Variants in STX17 observed in about 807,000 individuals in gnomAD.
STX17 encodes the protein syntaxin-17.
In STX17, 29 loss-of-function variants were observed where a neutral mutation model predicts 35.9. The ratio of observed to expected loss-of-function variants is 0.81; its 90% CI spans 0.60 to 1.10. The LOEUF is 1.10. STX17 is among the 50% of genes least tolerant of loss of function. The pLI, the probability that STX17 is intolerant of heterozygous loss-of-function variation, is 0.00. For missense variants in STX17, 312 were observed against 352.3 expected, an observed-to-expected ratio of 0.89 and a Z score of 0.92; for synonymous variants, 92 against 118.3, an observed-to-expected ratio of 0.78 and a Z score of 1.44.
intron 3 of STX17, among the ~76,000 whole-genome samples, chr9:99,935,372 A>G (rs977194569): frequency 1.3e-5 from 2 of 151,542 alleles, no homozygotes; most frequent in African/African-American, 2.4e-5. Context: ...TATAGTTTAC[A>G]GTTTACTATC....
At chr9:99,946,434 C>A (rs1315337538) in intron 3 of STX17, among the ~76,000 whole-genome samples, 1 of 152,130 alleles carries the variant, frequency 6.6e-6, no homozygotes, top group Non-Finnish European at 1.5e-5. Flanking sequence ...GTTCCTTAGA[C>A]TATTTTAGTT....
At chr9:99,907,812 T>C (rs1258619578) in intron 1 of STX17, among the ~76,000 whole-genome samples, 2 of 152,212 alleles carry the variant, frequency 1.3e-5, no homozygotes, top group African/African-American at 4.8e-5. Flanking sequence ...ACTGAATTAC[T>C]AACTTGTGAT....
chr9:99,950,411 G>A (rs1242189377), intron 3 of STX17, among the ~76,000 whole-genome samples: 1 of 151,796 alleles, frequency 6.6e-6, no homozygotes, highest in Non-Finnish European at 1.5e-5. Flanking sequence ...ATTAATATTA[G>A]TGTATACTAT....
chr9:99,950,891 CT>C (rs1829577898), intron 3 of STX17, among the ~76,000 whole-genome samples, 168 bp from the exon 4 acceptor site: 1 of 151,918 alleles, frequency 6.6e-6, no homozygotes, highest in South Asian at 2.1e-4. Context: ...TCCAAAGATG[CT>C]GCATTTGGCC....
Position 99,951,068 on chromosome 9 carries a change from A to C in STX17, c.198A>C (p.Arg66=). 6.2e-7 allele frequency: 1 copy of C among 1,607,846 alleles called. No homozygotes were observed. Among genetic ancestry groups the C allele is most frequent in the Non-Finnish European group, 8.5e-7 (1 of 1,177,136 alleles). The change falls in exon 4 of 8, where the codon CGA becomes CGC. Residue 66 remains arginine, a synonymous_variant. Transcript: ENST00000259400. Reference sequence around the variant, plus strand: ...ATTTTTTTCTTTTATAGCAACTCCGATCCAATATCCGAGAAATTGAGAAAC... The same window carrying C: ...ATTTTTTTCTTTTATAGCAACTCCGCTCCAATATCCGAGAAATTGAGAAAC... ...INAGRTVQQL[R]SNIREIEKLC...
chr9:99,960,449 G>GTTT (rs201738436), intron 6 of STX17, among the ~76,000 whole-genome samples: 1 of 144,474 alleles, frequency 6.9e-6, no homozygotes, highest in African/African-American at 2.5e-5. Flanking sequence ...TGTTTTTTGT[G>GTTT]TTTTTTTTTT....
chr9:99,962,388 T>G (rs1423238144), intron 6 of STX17, among the ~76,000 whole-genome samples: 3 of 152,194 alleles, frequency 2.0e-5, no homozygotes, highest in Admixed American at 1.3e-4. Flanking sequence ...TATTGTAAAC[T>G]AATAATCTCT....
At chr9:99,926,129 TA>T (rs1247748878) in intron 2 of STX17, among the ~76,000 whole-genome samples, 1 of 152,042 alleles carries the variant, frequency 6.6e-6, no homozygotes, top group Non-Finnish European at 1.5e-5. Flanking sequence ...GTGCATTTTT[TA>T]ATTTCAGGTA....
chr9:99,957,354 C>A (rs146765553), intron 4 of STX17, among the ~76,000 whole-genome samples: 30 of 152,228 alleles, frequency 2.0e-4, no homozygotes, highest in African/African-American at 7.0e-4. Context: ...ATGCAGTCTC[C>A]TATTGTTTTA....
chr9:99,917,317 T>C (rs1466108284), intron 2 of STX17, among the ~76,000 whole-genome samples: 2 of 152,228 alleles, frequency 1.3e-5, no homozygotes, highest in African/African-American at 2.4e-5. Context: ...AGATATGTTA[T>C]GGAAATGTAA....
chr9:99,940,930 T>C (rs1564067321), intron 3 of STX17, among the ~76,000 whole-genome samples: 1 of 152,362 alleles, frequency 6.6e-6, no homozygotes, highest in Non-Finnish European at 1.5e-5. Context: ...CTTCTAACTC[T>C]TGTGAACTAA....
In STX17 at chr9:99,968,415, A is replaced by AT. The variant is rs202054777; in HGVS notation, c.670-5dup. 99,730 of 1,112,288 alleles carry AT rather than the reference A, an allele frequency of 0.09. No individual in the cohort carries two copies. The highest frequency in any genetic ancestry group is 0.12 in the South Asian group (6,840 of 56,834). 68.9% of individuals were successfully genotyped at this position (1,112,288 alleles called of 1,614,324 possible). ...ATTCTCAACTCAGTTTCTAAATTGA[A>AT]TTTTTTTTTTTTTTACAGGCTGCAA... On this transcript the variant is annotated intron_variant, in intron 7 of 7. Coordinates refer to ENST00000259400, the MANE Select transcript of STX17 (RefSeq NM_017919.3).
chr9:99,937,139 T>C (rs989955491), intron 3 of STX17, among the ~76,000 whole-genome samples: 1 of 152,222 alleles, frequency 6.6e-6, no homozygotes, highest in Non-Finnish European at 1.5e-5. Flanking sequence ...TTATCATTGT[T>C]CCTTTGTATG....
chr9:99,959,706 C>T (rs1235004646), intron 4 of STX17, among the ~76,000 whole-genome samples: 1 of 152,094 alleles, frequency 6.6e-6, no homozygotes, highest in African/African-American at 2.4e-5. Flanking sequence ...GGCAGTCCTC[C>T]CGCCTCAGCC....
intron 2 of STX17, among the ~76,000 whole-genome samples, chr9:99,921,858 G>A (rs1030084545): frequency 1.3e-5 from 2 of 151,790 alleles, no homozygotes; most frequent in Non-Finnish European, 2.9e-5. Context: ...AAGTATCTAG[G>A]TTTGTTCTTA....
intron 2 of STX17, among the ~76,000 whole-genome samples, chr9:99,925,051 CTG>C (rs1457862856): frequency 1.3e-5 from 2 of 151,956 alleles, no homozygotes; most frequent in African/African-American, 4.8e-5. Context: ...ATTTGTCCAT[CTG>C]TTCTCTTTTC....
At chr9:99,936,401 T>C (rs895630229) in intron 3 of STX17, among the ~76,000 whole-genome samples, 7 of 152,222 alleles carry the variant, frequency 4.6e-5, no homozygotes, top group Non-Finnish European at 8.8e-5. Flanking sequence ...TCTGTAATGG[T>C]ATCTCATGAG....
chr9:99,935,025 T>A (rs952553396), intron 3 of STX17, among the ~76,000 whole-genome samples: 4 of 152,050 alleles, frequency 2.6e-5, no homozygotes, highest in Non-Finnish European at 5.9e-5. Context: ...AGAGAGAAGT[T>A]GTTTTTAATT....
chr9:99,923,420 A>T (rs1280845879), intron 2 of STX17, among the ~76,000 whole-genome samples: 1 of 152,206 alleles, frequency 6.6e-6, no homozygotes, highest in Non-Finnish European at 1.5e-5. Flanking sequence ...CAAGTAAGTT[A>T]GGTTACCCAG....
Sources: gnomAD v4.1 joint callset for allele counts (sites outside exome capture counted in the v4.1 genomes callset) on GRCh38, gnomAD v4.1.1 for gene constraint, MANE v1.5 for transcripts, NCBI Gene and HGNC (gene_info 2026-07-23, HGNC 2026-07-21) for gene names.